Variants in SDK2 observed in about 807,000 individuals in gnomAD.
The protein encoded by SDK2 is protein sidekick-2.
SDK2 carries 105 observed loss-of-function variants against 253.9 expected under a neutral mutation model. The observed-to-expected ratio is 0.41, with a 90% CI of 0.35 to 0.49. The LOEUF (loss-of-function observed/expected upper bound fraction) is 0.49. Among genes scored for constraint, SDK2 ranks in the 20% least tolerant of loss-of-function variants. SDK2 has a pLI of 0.06. For missense variants in SDK2, 2,608 were observed against 3,003.0 expected (o/e 0.87, Z 3.07); for synonymous variants, 1,249 against 1,234.9 (o/e 1.01, Z -0.24).
intron 1 of SDK2, among the ~76,000 whole-genome samples, chr17:73,512,554 C>CAT (rs894319152): frequency 9.2e-5 from 14 of 151,666 alleles, no homozygotes; most frequent in Non-Finnish European, 1.6e-4. Flanking sequence ...CACACATACA[C>CAT]ACACACACAC....
chr17:73,349,396 T>C (rs928748169), intron 43 of SDK2, among the ~76,000 whole-genome samples: 1 of 152,224 alleles, frequency 6.6e-6, no homozygotes, highest in Non-Finnish European at 1.5e-5. Flanking sequence ...TCCTCCTGAC[T>C]GCCGCCTCCA....
intron 39 of SDK2, among the ~76,000 whole-genome samples, chr17:73,360,861 G>A (rs1184507729): frequency 1.3e-5 from 2 of 151,662 alleles, no homozygotes; most frequent in African/African-American, 2.4e-5. Context: ...GCTTGAACCC[G>A]GGAGGTGGAG....
chr17:73,479,649 T>C (rs1567796669), intron 2 of SDK2, among the ~76,000 whole-genome samples: 1 of 152,248 alleles, frequency 6.6e-6, no homozygotes, highest in African/African-American at 2.4e-5. Context: ...TTATATTTTT[T>C]AATCACATTG....
intron 1 of SDK2, among the ~76,000 whole-genome samples, chr17:73,562,265 GT>G (rs1310036402): frequency 6.6e-6 from 1 of 152,194 alleles, no homozygotes; most frequent in African/African-American, 2.4e-5. Context: ...TACCAGGATG[GT>G]TCCCATCTTT....
intron 5 of SDK2, among the ~76,000 whole-genome samples, chr17:73,442,649 C>T (rs568229333): frequency 5.9e-5 from 9 of 152,232 alleles, no homozygotes; most frequent in Admixed American, 2.6e-4. Flanking sequence ...CCAACTCCTG[C>T]GGTCTTGACG....
intron 2 of SDK2, among the ~76,000 whole-genome samples, chr17:73,488,846 T>A (rs1423796722): frequency 6.6e-6 from 1 of 152,168 alleles, no homozygotes; most frequent in Non-Finnish European, 1.5e-5. Context: ...CTGCCCCCAC[T>A]CCATTTCCCC....
Position 73,415,826 on chromosome 17 carries a change from A to G in SDK2, c.2353T>C (p.Trp785Arg). The G allele has an allele frequency of 6.4e-7, 1 of 1,553,052 alleles. No individual in the cohort carries two copies. Among genetic ancestry groups the G allele is most frequent in the Non-Finnish European group, 8.7e-7 (1 of 1,147,904 alleles). Residue 785 changes from tryptophan to arginine, a missense_variant, in exon 17 of 45, where the codon TGG (tryptophan) becomes CGG (arginine). Physicochemically the swap from Trp to Arg is moderately radical, Grantham distance 101. Around this residue, in one of 2 missense-constraint regions of SDK2, gnomAD observed 1,505 missense variants for 1,859.1 expected, o/e 0.81. Transcript: ENST00000392650. ...CTCTACCTACCTCCCTGCAGCGTCC[A>G]CTCGGTGACTTTACTGCTGTAGACC... ...LGVYSSKVTE[W>R]TLQGVPTVPP...
intron 1 of SDK2, among the ~76,000 whole-genome samples, chr17:73,584,341 C>G (rs2045575864): frequency 6.6e-6 from 1 of 152,210 alleles, no homozygotes. Flanking sequence ...GCGGCCCCAC[C>G]TAGCACCAGC....
At chr17:73,564,823 T>TA in intron 1 of SDK2, among the ~76,000 whole-genome samples, 2 of 140,564 alleles carry the variant, frequency 1.4e-5, no homozygotes, top group African/African-American at 5.6e-5. Context: ...AGACTCTGTC[T>TA]GAAAAAAAAA....
intron 1 of SDK2, among the ~76,000 whole-genome samples, chr17:73,606,884 T>G (rs769845522): frequency 6.6e-6 from 1 of 152,170 alleles, no homozygotes; most frequent in Non-Finnish European, 1.5e-5. Flanking sequence ...TCCCATGGCA[T>G]GCTGAGTGGA....
rs1002845690 is a variant in SDK2, at chr17:73,643,656, G to C, written c.64+369C>G. Among the ~76,000 whole-genome samples, 1 of 152,094 alleles carries C rather than the reference G, an allele frequency of 6.6e-6. No homozygotes were observed. Among genetic ancestry groups the C allele is most frequent in the African/African-American group, 2.4e-5 (1 of 41,454 alleles). Reference sequence around the variant, plus strand: ...AGCAGGGAACCAGGAGCTCGGTCTGGGAAGCTCAGCGTAGCCGAGCGTGGA... The same window carrying C: ...AGCAGGGAACCAGGAGCTCGGTCTGCGAAGCTCAGCGTAGCCGAGCGTGGA... On this transcript the variant is annotated intron_variant, in intron 1 of 44. Coordinates refer to ENST00000392650, the MANE Select transcript of SDK2 (RefSeq NM_001144952.2). The surrounding 1 kb of genome is among the most constrained non-coding windows in gnomAD (Gnocchi z 6.9).
At chr17:73,373,268 C>A (rs534702980) in intron 36 of SDK2, among the ~76,000 whole-genome samples, 2 of 152,310 alleles carry the variant, frequency 1.3e-5, no homozygotes, top group South Asian at 4.1e-4. Flanking sequence ...CATCCATTCA[C>A]AGACACTCAG....
Position 73,437,819 on chromosome 17 carries a change from G to A in SDK2, c.920C>T (p.Pro307Leu), listed in dbSNP as rs557765754. 2.6e-5 allele frequency: 42 copies of A among 1,613,902 alleles called. No individual in the cohort carries two copies. In the East Asian group the frequency reaches 5.6e-4, roughly 21 times the overall value. Residue 307 changes from proline to leucine, a missense_variant, in exon 8 of 45, where the codon CCG becomes CTG. Physicochemically the swap from Pro to Leu is moderately conservative, Grantham distance 98. Coordinates refer to ENST00000392650, the MANE Select transcript of SDK2 (RefSeq NM_001144952.2). ...VRGAYLSVLE[P>L]PQFVKEPERH... The stretch of plus-strand genomic sequence containing the variant: ...TTCTGGCTCCTTGACAAACTGAGGC[G>A]GTTCTGCAGGAGGAAGGACCAGGGG...
rs116430423 is a variant in SDK2, at chr17:73,472,188, G to A, written c.255C>T (p.His85=). Residue 85 remains histidine (H), a synonymous_variant, in exon 3 of 45, where the codon CAC becomes CAT. Coordinates refer to ENST00000392650, the MANE Select transcript of SDK2 (RefSeq NM_001144952.2). Reference sequence around the variant, plus strand: ...GCACGATGCAACGGTAAAAGCCAGCGTGGGTGCGGTCCAGGCTGGTGATCA... The same window carrying A: ...GCACGATGCAACGGTAAAAGCCAGCATGGGTGCGGTCCAGGCTGGTGATCA... The part of the protein sequence containing the change: ...RYMITSLDRT[H]AGFYRCIVRN... 3,183 of 1,551,678 alleles carry A rather than the reference G, an allele frequency of 2.1e-3. 50 individuals carry two copies. The African/African-American group carries it at 0.038, about 19-fold the overall frequency.
intron 1 of SDK2, among the ~76,000 whole-genome samples, chr17:73,600,154 G>A (rs1165483689): frequency 2.0e-5 from 3 of 152,166 alleles, no homozygotes; most frequent in African/African-American, 7.2e-5. Context: ...CTGAGCCCGG[G>A]GCAGACCCTC....
chr17:73,422,152 C>T, intron 15 of SDK2, 135 bp downstream of exon 15: 2 of 952,006 alleles, frequency 2.1e-6, no homozygotes, highest in Non-Finnish European at 3.1e-6. Context: ...ATCAGGATTG[C>T]TCTCCCCTTC....
chr17:73,399,043 G>A, intron 22 of SDK2, 125 bp downstream of exon 22: 2 of 908,342 alleles, frequency 2.2e-6, no homozygotes, highest in African/African-American at 1.7e-5. Flanking sequence ...AGCATTTGGA[G>A]TATAATGGGC....
intron 1 of SDK2, among the ~76,000 whole-genome samples, chr17:73,585,734 C>G (rs937091241): frequency 6.6e-6 from 1 of 152,194 alleles, no homozygotes; most frequent in Admixed American, 6.5e-5. Flanking sequence ...ATGCAGCTCT[C>G]TGTGTGAGCC....
chr17:73,628,349 C>A (rs1484211303), intron 1 of SDK2, among the ~76,000 whole-genome samples: 2 of 152,232 alleles, frequency 1.3e-5, no homozygotes, highest in Non-Finnish European at 2.9e-5. Context: ...AGCTGCTGGG[C>A]TCTCTGTGTC....
Sources: gnomAD v4.1 joint callset for allele counts (sites outside exome capture counted in the v4.1 genomes callset) on GRCh38, gnomAD v4.1.1 for gene constraint, gnomAD v4.1.1 regional missense constraint, Gnocchi (gnomAD v3.1) non-coding constraint, MANE v1.5 for transcripts, NCBI Gene and HGNC (gene_info 2026-07-23, HGNC 2026-07-21) for gene names.